ZNF202: variants seen among roughly 807,000 people sequenced by gnomAD.
ZNF202 encodes zinc finger protein with KRAB and SCAN domains 10.
ZNF202 carries 22 observed loss-of-function variants against 54.5 expected under a neutral mutation model. That is an observed-to-expected ratio of 0.40 (90% CI 0.29 to 0.58). The LOEUF (loss-of-function observed/expected upper bound fraction) is 0.58. Ranked by LOEUF, ZNF202 falls within the 20% of genes least tolerant of loss-of-function variation. ZNF202 has a pLI of 0.39. For missense variants in ZNF202, 644 were observed against 805.5 expected (o/e 0.80, Z 2.43); for synonymous variants, 294 against 301.4 (o/e 0.98, Z 0.26).
rs3802898 is a variant in ZNF202 at position 123,725,860 on chromosome 11, G to A, written c.*137C>T. On this transcript the variant is annotated 3_prime_UTR_variant, in exon 9 of 9. Coordinates refer to ENST00000530393, the MANE Select transcript of ZNF202 (RefSeq NM_003455.4). ...TGCCCAGGCTCGTGTTTAGTTGCAG[G>A]AAGAGGTAATGTCAGATCTGAGCAG... is the stretch of plus-strand genomic sequence containing the variant. The A allele has an allele frequency of 9.8e-7, 1 of 1,022,048 alleles. No individual in the cohort carries two copies. The highest frequency in any genetic ancestry group is 2.6e-5 in the East Asian group (1 of 38,310). 63.3% of individuals were successfully genotyped at this position (1,022,048 alleles called of 1,614,324 possible).
chr11:123,731,230 C>T (rs1400864066), intron 3 of ZNF202, among the ~76,000 whole-genome samples: 2 of 152,180 alleles, frequency 1.3e-5, no homozygotes, highest in Non-Finnish European at 2.9e-5. Flanking sequence ...TGCATTTCCA[C>T]TTCACAAATA....
intron 3 of ZNF202, chr11:123,738,928 G>C (rs1032393474): frequency 2.0e-5 from 3 of 152,198 alleles, no homozygotes; most frequent in African/African-American, 4.8e-5. Flanking sequence ...ATGATCCAGA[G>C]AAGGAATCTC....
Position 123,726,249 on chromosome 11 carries a change from G to A in ZNF202, c.1695C>T (p.Tyr565=). 1 of 1,614,208 alleles carries A rather than the reference G, an allele frequency of 6.2e-7. No individual in the cohort carries two copies. Among genetic ancestry groups the A allele is most frequent in the South Asian group, 1.1e-5 (1 of 91,084 alleles). ...HRKTHAAEEL[Y]LCSECGRCFT... is the part of the protein sequence containing the mutation. ...AGCAGCGCCCGCACTCGCTGCAGAG[G>A]TAGAGTTCCTCAGCAGCGTGCGTCT... The change falls in exon 9 of 9, where the codon TAC becomes TAT. Residue 565 remains tyrosine (Y), a synonymous_variant. Coordinates refer to ENST00000530393, the MANE Select transcript of ZNF202 (RefSeq NM_003455.4). The surrounding 1 kb of genome is among the most constrained non-coding windows in gnomAD (Gnocchi z 6.0).
In ZNF202 at chr11:123,724,127, G is replaced by C. The variant is rs1192565931; in HGVS notation, c.*1870C>G. On this transcript the variant is annotated 3_prime_UTR_variant, in exon 9 of 9. Coordinates refer to ENST00000530393, the MANE Select transcript of ZNF202 (RefSeq NM_003455.4). Reference sequence around the variant, plus strand: ...TTGGTTTAGAAATGCCTGCTTATTAGGACAGTATCTTCTGCAAACTCCAGG... The same window carrying C: ...TTGGTTTAGAAATGCCTGCTTATTACGACAGTATCTTCTGCAAACTCCAGG... 6.6e-6 allele frequency: 1 copy of C among 152,192 alleles called. No homozygotes were observed. The highest frequency in any genetic ancestry group is 6.5e-5 in the Admixed American group (1 of 15,278). The allele number at this position is 152,192 out of a possible 1,614,324, so 9.4% of individuals were successfully genotyped here. A position where few individuals can be genotyped will look rare whatever the true frequency, so the allele number is the denominator to read the frequency against.
chr11:123,729,576 C>T, intron 5 of ZNF202, 39 bp downstream of exon 5: 4 of 1,493,530 alleles, frequency 2.7e-6, no homozygotes, highest in Non-Finnish European at 3.6e-6. Flanking sequence ...CCTTGCCTGC[C>T]TTCTGCCACA....
chr11:123,733,858 G>C (rs1241407665), intron 3 of ZNF202, among the ~76,000 whole-genome samples: 2 of 152,156 alleles, frequency 1.3e-5, no homozygotes, highest in African/African-American at 4.8e-5. Flanking sequence ...TCCTGGGTCA[G>C]TAGGACGATT....
At position 123,730,905 on chromosome 11, in the gene ZNF202, G is replaced by A. The variant is rs370707035; in HGVS notation, c.-17C>T. 8 of 1,603,804 alleles carry A rather than the reference G, an allele frequency of 5.0e-6. No individual in the cohort carries two copies. The highest frequency in any genetic ancestry group is 6.0e-6 in the Non-Finnish European group (7 of 1,174,224). On this transcript the variant is annotated 5_prime_UTR_variant, in exon 4 of 9. Transcript: ENST00000530393. This position sits in a 1 kb window ranked among gnomAD's most constrained non-coding sequence, Gnocchi z 6.0. ...TGTAGCCATTTCTTGGCTTTGGGGT[G>A]GTCTCACACCATCTAGAGCTCACAC...
chr11:123,727,092 A>T, intron 8 of ZNF202, 101 bp from the exon 9 acceptor site: 2 of 1,427,306 alleles, frequency 1.4e-6, no homozygotes. Flanking sequence ...TGGCAAGACT[A>T]AATAGAATGC....
At chr11:123,737,480 A>G (rs1309196165) in intron 3 of ZNF202, among the ~76,000 whole-genome samples, 1 of 152,128 alleles carries the variant, frequency 6.6e-6, no homozygotes, top group Non-Finnish European at 1.5e-5. Context: ...GAAAGACAAT[A>G]AGGTATAGAG....
chr11:123,730,047 C>A lies in ZNF202; in HGVS notation c.403-222G>T, dbSNP rs1259954202. On this transcript the variant is annotated intron_variant, in intron 4 of 8. Coordinates refer to ENST00000530393, the MANE Select transcript of ZNF202 (RefSeq NM_003455.4). The surrounding 1 kb of genome is among the most constrained non-coding windows in gnomAD (Gnocchi z 6.0). ...CAGGCCTGCACTGCTCTCTCACCAC[C>A]CCCAGCCTGGGCCCCTGTCACCCAA... Among the ~76,000 whole-genome samples, 1 of 152,112 alleles carries A rather than the reference C, an allele frequency of 6.6e-6. No individual in the cohort carries two copies. Among genetic ancestry groups the A allele is most frequent in the Non-Finnish European group, 1.5e-5 (1 of 68,008 alleles).
rs761313562 is a variant in ZNF202 at position 123,726,984 on chromosome 11, C to T, written c.960G>A (p.Arg320=). The stretch of plus-strand genomic sequence containing the variant: ...CCAGACACTCTTCCTCATCTTTACT[C>T]CTATCTCCTGTAGAAAGGGTGAGAG... ...EILSFTYTGD[R]SKDEEECLEQ... is the part of the protein sequence containing the mutation. Residue 320 remains arginine, a synonymous_variant, in exon 9 of 9, where the codon AGG becomes AGA. Transcript: ENST00000530393. The surrounding 1 kb of genome is among the most constrained non-coding windows in gnomAD (Gnocchi z 6.0). 1 of 1,610,898 alleles carries T rather than the reference C, an allele frequency of 6.2e-7. No homozygotes were observed. Among genetic ancestry groups the T allele is most frequent in the Admixed American group, 1.7e-5 (1 of 59,816 alleles).
At chr11:123,739,016 C>T (rs981390974) in intron 3 of ZNF202, 6 of 152,238 alleles carry the variant, frequency 3.9e-5, no homozygotes, top group African/African-American at 9.6e-5. Flanking sequence ...CAAGGGTCTC[C>T]TTATTCATTT....
At position 123,728,064 on chromosome 11, in the gene ZNF202, C is replaced by G. The variant is rs1591375441; in HGVS notation, c.832+69G>C. On this transcript the variant is annotated intron_variant, in intron 7 of 8. Transcript: ENST00000530393. ...CTGCATACAATCTAAGGTCTAAGAT[C>G]CCCCAAAATTTCCAGCAGGAAAAAG... 2.9e-5 allele frequency: 45 copies of G among 1,551,904 alleles called. No individual in the cohort carries two copies. In the East Asian group the frequency reaches 8.1e-4, roughly 28 times the overall value.
chr11:123,728,454 A>C (rs1356203750), intron 6 of ZNF202, among the ~76,000 whole-genome samples, 192 bp from the exon 7 acceptor site: 1 of 151,870 alleles, frequency 6.6e-6, no homozygotes, highest in Non-Finnish European at 1.5e-5. Flanking sequence ...CAACTCCACC[A>C]CTTTTCCTGA....
At chr11:123,732,142 T>G (rs935815888) in intron 3 of ZNF202, among the ~76,000 whole-genome samples, 1 of 152,210 alleles carries the variant, frequency 6.6e-6, no homozygotes, top group Non-Finnish European at 1.5e-5. Context: ...AATTTACAGC[T>G]TAGGTCCCTC....
intron 3 of ZNF202, among the ~76,000 whole-genome samples, chr11:123,734,963 TCAGGTTG>T (rs1861571143): frequency 6.6e-6 from 1 of 152,088 alleles, no homozygotes; most frequent in Admixed American, 6.6e-5. Context: ...CAAGGAATCT[TCAGGTTG>T]CACCGGGAAT....
intron 3 of ZNF202, among the ~76,000 whole-genome samples, chr11:123,733,333 T>C (rs1281795142): frequency 2.6e-5 from 4 of 152,236 alleles, no homozygotes; most frequent in Admixed American, 6.5e-5. Flanking sequence ...TGCAACATAC[T>C]TTCACAGTCT....
At chr11:123,727,057 G>A in intron 8 of ZNF202, 66 bp from the exon 9 acceptor site, 2 of 1,527,348 alleles carry the variant, frequency 1.3e-6, no homozygotes, top group South Asian at 2.6e-5. Flanking sequence ...ACACAATGGG[G>A]AGATTTTTAC....
chr11:123,735,203 T>C (rs1364572728), intron 3 of ZNF202, among the ~76,000 whole-genome samples: 5 of 152,174 alleles, frequency 3.3e-5, no homozygotes, highest in Non-Finnish European at 7.3e-5. Flanking sequence ...AAAGGACTTC[T>C]AGTATCTTAA....
Sources: gnomAD v4.1 joint callset for allele counts (sites outside exome capture counted in the v4.1 genomes callset) on GRCh38, gnomAD v4.1.1 for gene constraint, Gnocchi (gnomAD v3.1) non-coding constraint, MANE v1.5 for transcripts, NCBI Gene and HGNC (gene_info 2026-07-23, HGNC 2026-07-21) for gene names.